Variants in DGKB observed in about 807,000 individuals in gnomAD.
DGKB encodes diacylglycerol kinase beta, also known as 90 kDa diacylglycerol kinase.
Under a neutral mutation model 114.3 loss-of-function variants are expected in DGKB, and 67 were observed. That is an observed-to-expected ratio of 0.59 (90% CI 0.48 to 0.72). The LOEUF is 0.72. DGKB is among the 30% of genes least tolerant of loss of function. DGKB has a pLI of 0.00. For synonymous variants in DGKB, 398 were observed against 323.1 expected (o/e 1.23, Z -2.49); for missense variants, 907 against 975.2 (o/e 0.93, Z 0.93).
chr7:14,345,412 G>A, intron 21 of DGKB, 21 bp from the exon 22 acceptor site: 3 of 1,279,474 alleles, frequency 2.3e-6, no homozygotes, highest in Non-Finnish European at 3.3e-6. Flanking sequence ...AAAGGAAGAA[G>A]CACCTTAGGC....
intron 23 of DGKB, among the ~76,000 whole-genome samples, chr7:14,180,173 A>G (rs2128248930): frequency 6.9e-6 from 1 of 145,592 alleles, no homozygotes; most frequent in Admixed American, 6.8e-5. Flanking sequence ...TTAGTATTGT[A>G]GATTTTGCAC....
intron 17 of DGKB, among the ~76,000 whole-genome samples, chr7:14,604,322 A>G (rs1804084732): frequency 6.6e-6 from 1 of 152,138 alleles, no homozygotes. Context: ...CAGATAATTT[A>G]GATTAGGAAT....
chr7:14,770,786 G>A (rs962855619), intron 2 of DGKB, among the ~76,000 whole-genome samples: 2 of 152,026 alleles, frequency 1.3e-5, no homozygotes, highest in African/African-American at 4.8e-5. Flanking sequence ...TTCACTAACA[G>A]CTGAACAGAC....
chr7:14,586,329 G>A (rs10231362), intron 17 of DGKB, among the ~76,000 whole-genome samples: 8,608 of 151,248 alleles, frequency 0.057, 835 homozygotes, highest in African/African-American at 0.2. Flanking sequence ...CTAAAGCCAA[G>A]TCCAGAGCAA....
intron 4 of DGKB, among the ~76,000 whole-genome samples, chr7:14,741,210 G>A (rs930950604): frequency 6.6e-6 from 1 of 152,032 alleles, no homozygotes; most frequent in African/African-American, 2.4e-5. Context: ...CTCAGGGGAG[G>A]GGAACCCAGA....
At chr7:14,497,248 T>C (rs1281070073) in intron 20 of DGKB, among the ~76,000 whole-genome samples, 2 of 151,790 alleles carry the variant, frequency 1.3e-5, no homozygotes, top group South Asian at 2.1e-4. Flanking sequence ...TGTAAACTAT[T>C]AGGGTGATGG....
chr7:14,371,347 TTTTTAATTATAGCCA>T (rs1412029112), intron 21 of DGKB, among the ~76,000 whole-genome samples: 4 of 152,190 alleles, frequency 2.6e-5, no homozygotes, highest in African/African-American at 9.6e-5. Context: ...GCTTTTTGAC[TTTTTAATTATAGCCA>T]TTCTGATTGG....
intron 16 of DGKB, among the ~76,000 whole-genome samples, chr7:14,613,008 T>A (rs936187003): frequency 2.2e-4 from 34 of 152,136 alleles, no homozygotes; most frequent in Non-Finnish European, 3.5e-4. Context: ...TTATGATTTA[T>A]GTGGATTCAT....
intron 2 of DGKB, among the ~76,000 whole-genome samples, chr7:14,767,895 A>C (rs1836707616): frequency 6.6e-6 from 1 of 151,974 alleles, no homozygotes; most frequent in Admixed American, 6.6e-5. Flanking sequence ...TTACTGGCAA[A>C]CCAAACATTC....
intron 1 of DGKB, among the ~76,000 whole-genome samples, chr7:14,929,583 T>A (rs1394182909): frequency 6.6e-6 from 1 of 152,068 alleles, no homozygotes; most frequent in Non-Finnish European, 1.5e-5. Flanking sequence ...TGTTTCGTTG[T>A]TGTTGAGTTA....
chr7:14,155,850 CGTTCTGAA>C (rs1366484255), intron 25 of DGKB, among the ~76,000 whole-genome samples: 3 of 151,932 alleles, frequency 2.0e-5, no homozygotes, highest in African/African-American at 7.3e-5. Flanking sequence ...TTGAGGGTGA[CGTTCTGAA>C]GGAGATGCTC....
intron 15 of DGKB, among the ~76,000 whole-genome samples, chr7:14,619,137 A>G (rs944426375): frequency 6.6e-6 from 1 of 151,354 alleles, no homozygotes; most frequent in African/African-American, 2.4e-5. Flanking sequence ...ATGATTATAT[A>G]CCAACTTTTT....
intron 21 of DGKB, among the ~76,000 whole-genome samples, chr7:14,399,303 T>G (rs560850643): frequency 1.3e-5 from 2 of 151,852 alleles, no homozygotes; most frequent in Non-Finnish European, 2.9e-5. Context: ...TAGCCACAAC[T>G]TTTTGTATAT....
chr7:14,702,072 C>T (rs1283525113), intron 6 of DGKB, among the ~76,000 whole-genome samples: 1 of 152,050 alleles, frequency 6.6e-6, no homozygotes, highest in Admixed American at 6.6e-5. Context: ...TATTAAAGAG[C>T]AGAGTGCATA....
intron 23 of DGKB, among the ~76,000 whole-genome samples, chr7:14,289,636 T>G (rs571308686): frequency 6.6e-6 from 1 of 151,448 alleles, no homozygotes; most frequent in South Asian, 2.1e-4. Flanking sequence ...TAAAGAAGAA[T>G]AATACTATTA....
At chr7:14,786,852 C>T (rs568172547) in intron 2 of DGKB, among the ~76,000 whole-genome samples, 1 of 152,016 alleles carries the variant, frequency 6.6e-6, no homozygotes, top group East Asian at 1.9e-4. Flanking sequence ...TGCCCCTTTG[C>T]ATGAACAGCT....
At chr7:14,212,673 C>T (rs1788314688) in intron 23 of DGKB, among the ~76,000 whole-genome samples, 1 of 152,094 alleles carries the variant, frequency 6.6e-6, no homozygotes, top group Non-Finnish European at 1.5e-5. Context: ...GTTTCCTAAA[C>T]TTCAAGCCCT....
At chr7:14,299,593 A>G (rs1803155206) in intron 23 of DGKB, among the ~76,000 whole-genome samples, 1 of 152,168 alleles carries the variant, frequency 6.6e-6, no homozygotes. Flanking sequence ...TCTGTGTTTT[A>G]GCCGCCCCTC....
intron 2 of DGKB, among the ~76,000 whole-genome samples, chr7:14,791,860 C>T (rs1464474772): frequency 6.6e-6 from 1 of 152,074 alleles, no homozygotes; most frequent in African/African-American, 2.4e-5. Context: ...TTTTGAAAGT[C>T]ATCCATCTTT....
Sources: gnomAD v4.1 joint callset for allele counts (sites outside exome capture counted in the v4.1 genomes callset) on GRCh38, gnomAD v4.1.1 for gene constraint, MANE v1.5 for transcripts, NCBI Gene and HGNC (gene_info 2026-07-23, HGNC 2026-07-21) for gene names.